PTP4A2: variants seen among roughly 807,000 people sequenced by gnomAD.
PTP4A2 encodes the protein protein tyrosine phosphatase 4A2.
PTP4A2 carries 2 observed loss-of-function variants against 22.9 expected under a neutral mutation model. The observed-to-expected ratio is 0.09, with a 90% CI of 0.04 to 0.27. PTP4A2 has a LOEUF of 0.27. PTP4A2 is among the 10% of genes least tolerant of loss of function. The pLI, the probability that PTP4A2 is intolerant of heterozygous loss-of-function variation, is 1.00. For missense variants in PTP4A2, 103 were observed against 205.1 expected, an observed-to-expected ratio of 0.50 and a Z score of 3.04; for synonymous variants, 68 against 69.1, an observed-to-expected ratio of 0.98 and a Z score of 0.08.
Position 31,915,984 on chromosome 1 carries a change from G to T in PTP4A2, c.100C>A (p.Leu34Ile). ...AAAGTCGTCACTCCATACTTCTTAA[G>T]TTCCTTTAAAAAAAAAAAAAATTAT... ...NATLNKFTEE[L>I]KKYGVTTLVR... is the part of the protein sequence containing the mutation. The change falls in exon 3 of 6, where the codon CTT becomes ATT. Residue 34 changes from leucine to isoleucine, a missense_variant. Transcript: ENST00000647444. 6.5e-7 allele frequency: 1 copy of T among 1,545,470 alleles called. No individual in the cohort carries two copies. Among genetic ancestry groups the T allele is most frequent in the Non-Finnish European group, 8.7e-7 (1 of 1,145,742 alleles).
rs373162819 is a variant in PTP4A2, at chr1:31,916,026, G to A, written c.97-39C>T. 3 of 1,371,064 alleles carry A rather than the reference G, an allele frequency of 2.2e-6. No individual in the cohort carries two copies. The African/African-American group carries it at 4.5e-5, about 20-fold the overall frequency. 84.9% of individuals were successfully genotyped at this position (1,371,064 alleles called of 1,614,324 possible). Reference sequence around the variant, plus strand: ...AAAAATTATAATGGAACTTGTTTTTGAAACCTACAGCCAAAAATGTAGAAA... The same window carrying A: ...AAAAATTATAATGGAACTTGTTTTTAAAACCTACAGCCAAAAATGTAGAAA... On this transcript the variant is annotated intron_variant, in intron 2 of 5. Transcript: ENST00000647444.
At position 31,908,557 on chromosome 1, in the gene PTP4A2, CAGG is replaced by C. The variant is rs1417494240; in HGVS notation, c.*292_*294del. 1.2e-5 allele frequency: 3 copies of C among 248,396 alleles called. No individual in the cohort carries two copies. Among genetic ancestry groups the C allele is most frequent in the Non-Finnish European group, 1.5e-5 (2 of 129,614 alleles). The allele number at this position is 248,396 out of a possible 1,614,324, so 15.4% of individuals were successfully genotyped here. A position where few individuals can be genotyped will look rare whatever the true frequency, so the allele number is the denominator to read the frequency against. On this transcript the variant is annotated 3_prime_UTR_variant, in exon 6 of 6. Coordinates refer to ENST00000647444, the MANE Select transcript of PTP4A2 (RefSeq NM_080391.4). ...CCTATTTTGAAAAAGTTTAAAAAGA[CAGG>C]AGATTTCAAAATAATTCAATCCTGG...
intron 3 of PTP4A2, among the ~76,000 whole-genome samples, chr1:31,912,781 T>C (rs773287862): frequency 1.3e-5 from 2 of 152,282 alleles, no homozygotes; most frequent in African/African-American, 4.8e-5. Context: ...CACTTTAAGA[T>C]ATTAGGGGAG....
At chr1:31,913,096 A>T (rs1651630207) in intron 3 of PTP4A2, 1 of 426,732 alleles carries the variant, frequency 2.3e-6, no homozygotes, top group Non-Finnish European at 4.6e-6. Flanking sequence ...AAAATCATTA[A>T]TCATTTAGAA....
chr1:31,936,440 CT>C (rs1652936435), intron 1 of PTP4A2, among the ~76,000 whole-genome samples: 1 of 152,092 alleles, frequency 6.6e-6, no homozygotes, highest in Admixed American at 6.5e-5. Flanking sequence ...CCATACTACT[CT>C]TTGCTTATAC....
chr1:31,937,937 C>T (rs1466923803), intron 1 of PTP4A2, 50 bp downstream of exon 1: 5 of 151,556 alleles, frequency 3.3e-5, no homozygotes, highest in Non-Finnish European at 7.4e-5. Flanking sequence ...CTCCCCTTCC[C>T]CGAGGCCCCC....
At chr1:31,921,660 T>C (rs980092832) in intron 1 of PTP4A2, 6 of 152,330 alleles carry the variant, frequency 3.9e-5, no homozygotes, top group East Asian at 1.9e-4. Context: ...GCCTTTTCCC[T>C]AAGTTACCAA....
chr1:31,909,448 G>A (rs1030470185), intron 5 of PTP4A2, among the ~76,000 whole-genome samples: 13 of 152,092 alleles, frequency 8.5e-5, no homozygotes, highest in African/African-American at 3.1e-4. Context: ...GGCCGAGGTG[G>A]GCGGATCACG....
chr1:31,928,947 G>A (rs534717018), intron 1 of PTP4A2, among the ~76,000 whole-genome samples: 3 of 152,284 alleles, frequency 2.0e-5, no homozygotes, highest in Middle Eastern at 3.4e-3. Context: ...CTGCTTCTGA[G>A]AACAGTGACA....
At chr1:31,922,230 T>A (rs1013435400) in intron 1 of PTP4A2, among the ~76,000 whole-genome samples, 2 of 152,244 alleles carry the variant, frequency 1.3e-5, no homozygotes, top group African/African-American at 4.8e-5. Flanking sequence ...CACGCCTGTA[T>A]CTCAGCACTT....
At position 31,908,836 on chromosome 1, in the gene PTP4A2, T is replaced by C. The variant is rs1294035300; in HGVS notation, c.*16A>G. The C allele has an allele frequency of 1.3e-6, 2 of 1,576,424 alleles. No homozygotes were observed. Among genetic ancestry groups the C allele is most frequent in the African/African-American group, 1.4e-5 (1 of 73,962 alleles). ...CTAAATGGCACAATCAAGTCAGCCT[T>C]CGTTTACATTTCCTTCTACTGAACA... On this transcript the variant is annotated 3_prime_UTR_variant, in exon 6 of 6. Transcript: ENST00000647444.
chr1:31,932,990 T>C (rs1652784603), intron 1 of PTP4A2: 2 of 151,756 alleles, frequency 1.3e-5, no homozygotes, highest in Non-Finnish European at 2.9e-5. Context: ...AAGATGAAAA[T>C]GGTGAAAAGA....
chr1:31,913,024 CTA>C (rs1557861477), intron 3 of PTP4A2: 1 of 454,740 alleles, frequency 2.2e-6, no homozygotes, highest in African/African-American at 2.0e-5. Flanking sequence ...TAAAATGCAC[CTA>C]GTTAAGAAAC....
chr1:31,925,927 C>T (rs996184924), intron 1 of PTP4A2, among the ~76,000 whole-genome samples: 31 of 151,730 alleles, frequency 2.0e-4, no homozygotes, highest in Admixed American at 1.8e-3. Flanking sequence ...GAGTGGATCA[C>T]GAAGTCAGGA....
rs1259428664 is a variant in PTP4A2 at position 31,938,220 on chromosome 1, T to G, written c.-827A>C. 1 of 152,802 alleles carries G rather than the reference T, an allele frequency of 6.5e-6. No homozygotes were observed. The highest frequency in any genetic ancestry group is 1.4e-5 in the Non-Finnish European group (1 of 70,158). The allele number at this position is 152,802 out of a possible 1,614,324, so 9.5% of individuals were successfully genotyped here. A position where few individuals can be genotyped will look rare whatever the true frequency, so the allele number is the denominator to read the frequency against. ...CTGCGGCCGCCGCTGCGTCTCCTGC[T>G]GCCGCCGCTGCCTCCGCTGCCGCCG... On this transcript the variant is annotated 5_prime_UTR_variant, in exon 1 of 6. Coordinates refer to ENST00000647444, the MANE Select transcript of PTP4A2 (RefSeq NM_080391.4). This position sits in a 1 kb window ranked among gnomAD's most constrained non-coding sequence, Gnocchi z 4.4.
chr1:31,911,272 G>A (rs1264662976), intron 4 of PTP4A2: 1 of 152,964 alleles, frequency 6.5e-6, no homozygotes, highest in Non-Finnish European at 1.5e-5. Flanking sequence ...AGGGGAAAAG[G>A]TTTTAAGATC....
intron 1 of PTP4A2, among the ~76,000 whole-genome samples, chr1:31,933,467 T>C (rs1652808856): frequency 6.6e-6 from 1 of 152,116 alleles, no homozygotes; most frequent in African/African-American, 2.4e-5. Flanking sequence ...ACCTGGGATT[T>C]AATAATCAAA....
intron 1 of PTP4A2, among the ~76,000 whole-genome samples, chr1:31,937,564 C>G (rs1279770862): frequency 6.6e-6 from 1 of 151,196 alleles, no homozygotes; most frequent in Non-Finnish European, 1.5e-5. Flanking sequence ...CCGCTCTTTA[C>G]CACACTCTCA....
At position 31,908,695 on chromosome 1, in the gene PTP4A2, T is replaced by A; in HGVS notation, c.*157A>T. On this transcript the variant is annotated 3_prime_UTR_variant, in exon 6 of 6. Transcript: ENST00000647444. ...ATTCATTTTATAGAGAGATTTCTTT[T>A]TTGTTTGCTTTTGTTCCAATCATTA... 1 of 443,350 alleles carries A rather than the reference T, an allele frequency of 2.3e-6. No individual in the cohort carries two copies. Among genetic ancestry groups the A allele is most frequent in the Non-Finnish European group, 4.0e-6 (1 of 247,526 alleles). The allele number at this position is 443,350 out of a possible 1,614,324, so 27.5% of individuals were successfully genotyped here. A position where few individuals can be genotyped will look rare whatever the true frequency, so the allele number is the denominator to read the frequency against.
Sources: gnomAD v4.1 joint callset for allele counts (sites outside exome capture counted in the v4.1 genomes callset) on GRCh38, gnomAD v4.1.1 for gene constraint, Gnocchi (gnomAD v3.1) non-coding constraint, MANE v1.5 for transcripts, NCBI Gene and HGNC (gene_info 2026-07-23, HGNC 2026-07-21) for gene names.